Variants in CDH18 observed in about 807,000 individuals in gnomAD.
The protein encoded by CDH18 is cadherin 18.
Under a neutral mutation model 67.9 loss-of-function variants are expected in CDH18, and 31 were observed. The observed-to-expected ratio is 0.46, with a 90% CI of 0.34 to 0.62. The LOEUF (loss-of-function observed/expected upper bound fraction) is 0.62. CDH18 is among the 20% of genes least tolerant of loss of function. The pLI is 0.01. For missense variants in CDH18, 890 were observed against 975.5 expected (o/e 0.91, Z 1.17); for synonymous variants, 362 against 347.2 (o/e 1.04, Z -0.48).
At chr5:19,907,663 T>C (rs1024441517) in intron 2 of CDH18, among the ~76,000 whole-genome samples, 1 of 152,040 alleles carries the variant, frequency 6.6e-6, no homozygotes, top group Admixed American at 6.6e-5. Context: ...AAAATCATGA[T>C]GATAAATATA....
chr5:19,872,526 T>G (rs1035468167), intron 2 of CDH18, among the ~76,000 whole-genome samples: 1 of 152,194 alleles, frequency 6.6e-6, no homozygotes, highest in Non-Finnish European at 1.5e-5. Context: ...ACAAGCTTCC[T>G]ACTGGCCTTG....
At chr5:20,176,150 C>T (rs145772916) in intron 2 of CDH18, among the ~76,000 whole-genome samples, 5 of 152,250 alleles carry the variant, frequency 3.3e-5, no homozygotes, top group African/African-American at 4.8e-5. Context: ...CACTGCAAGA[C>T]GCAGTTTTAC....
intron 2 of CDH18, among the ~76,000 whole-genome samples, chr5:20,069,210 T>G (rs568517310): frequency 3.9e-5 from 6 of 152,082 alleles, no homozygotes; most frequent in Admixed American, 1.3e-4. Flanking sequence ...TGCCCCCACT[T>G]GCTCCCAACA....
At chr5:19,507,309 A>G (rs565439022) in intron 10 of CDH18, among the ~76,000 whole-genome samples, 1 of 152,280 alleles carries the variant, frequency 6.6e-6, no homozygotes, top group East Asian at 1.9e-4. Flanking sequence ...TGTTGATGGG[A>G]ATGTAAACTA....
intron 1 of CDH18, among the ~76,000 whole-genome samples, chr5:20,259,730 A>G (rs1253495597): frequency 1.3e-5 from 2 of 152,146 alleles, no homozygotes; most frequent in African/African-American, 4.8e-5. Flanking sequence ...CCATTTGTGG[A>G]TGTTCAGCTG....
chr5:19,956,708 T>C (rs1796289248), intron 2 of CDH18, among the ~76,000 whole-genome samples: 1 of 151,932 alleles, frequency 6.6e-6, no homozygotes, highest in Non-Finnish European at 1.5e-5. Flanking sequence ...GTATTGATAA[T>C]ACAGTATATA....
chr5:19,974,444 A>G (rs553373123), intron 2 of CDH18, among the ~76,000 whole-genome samples: 1 of 146,774 alleles, frequency 6.8e-6, no homozygotes, highest in Non-Finnish European at 1.5e-5. Context: ...GGCAGAATCC[A>G]GGAGGCAGAG....
intron 2 of CDH18, among the ~76,000 whole-genome samples, chr5:20,130,680 T>A (rs1749197432): frequency 1.3e-5 from 2 of 151,964 alleles, no homozygotes; most frequent in Admixed American, 6.6e-5. Context: ...GATAAGAGAT[T>A]CGTGAATAAT....
intron 2 of CDH18, among the ~76,000 whole-genome samples, chr5:19,851,328 T>C (rs1308907659): frequency 6.6e-6 from 1 of 151,066 alleles, no homozygotes; most frequent in African/African-American, 2.4e-5. Context: ...TTTATTATTA[T>C]GTTTCTATTA....
At chr5:20,082,899 T>A (rs1041663791) in intron 2 of CDH18, among the ~76,000 whole-genome samples, 3 of 152,168 alleles carry the variant, frequency 2.0e-5, no homozygotes, top group African/African-American at 7.2e-5. Context: ...CTCAGAGGAA[T>A]CAACCCTGCC....
At chr5:20,189,630 C>G (rs764263991) in intron 2 of CDH18, among the ~76,000 whole-genome samples, 1 of 152,040 alleles carries the variant, frequency 6.6e-6, no homozygotes, top group Non-Finnish European at 1.5e-5. Context: ...AGTTATTGAA[C>G]CAAGGTCAAA....
chr5:19,565,837 A>C (rs1307340156), intron 8 of CDH18, among the ~76,000 whole-genome samples: 2 of 152,228 alleles, frequency 1.3e-5, no homozygotes, highest in African/African-American at 2.4e-5. Flanking sequence ...ATATGCTGCA[A>C]GCACAGTCAA....
chr5:19,502,974 A>C lies in CDH18; in HGVS notation c.1630+18T>G. 7.6e-7 allele frequency: 1 copy of C among 1,322,444 alleles called. No homozygotes were observed. The highest frequency in any genetic ancestry group is 1.1e-6 in the Non-Finnish European group (1 of 914,170). The allele number at this position is 1,322,444 out of a possible 1,614,324, so 81.9% of individuals were successfully genotyped here. A position where few individuals can be genotyped will look rare whatever the true frequency, so the allele number is the denominator to read the frequency against. On this transcript the variant is annotated intron_variant, in intron 11 of 12. Coordinates refer to ENST00000382275, the MANE Select transcript of CDH18 (RefSeq NM_004934.5). ...GCAGATACCACATAGATAAACAAAT[A>C]TGTGTATATATGTTCACCTTCATTG... is the stretch of plus-strand genomic sequence containing the variant.
chr5:19,873,739 C>T (rs946859304), intron 2 of CDH18, among the ~76,000 whole-genome samples: 1 of 152,110 alleles, frequency 6.6e-6, no homozygotes, highest in South Asian at 2.1e-4. Context: ...CCTCTGCCCC[C>T]CAGGTTCAAG....
At chr5:20,315,164 A>G (rs1465483868) in intron 1 of CDH18, among the ~76,000 whole-genome samples, 3 of 152,082 alleles carry the variant, frequency 2.0e-5, no homozygotes, top group Non-Finnish European at 2.9e-5. Context: ...TAAAGACACT[A>G]CCATCTACCC....
chr5:19,578,334 T>C (rs1224183074), intron 7 of CDH18, among the ~76,000 whole-genome samples: 2 of 152,190 alleles, frequency 1.3e-5, no homozygotes, highest in African/African-American at 2.4e-5. Context: ...GTCTGATATA[T>C]TTAGGGAAAA....
intron 2 of CDH18, among the ~76,000 whole-genome samples, chr5:20,248,694 G>A (rs1470105757): frequency 6.6e-6 from 1 of 152,178 alleles, no homozygotes; most frequent in Non-Finnish European, 1.5e-5. Flanking sequence ...CATGCTGATT[G>A]TTGGATGGCA....
intron 2 of CDH18, among the ~76,000 whole-genome samples, chr5:19,859,799 T>C (rs987907616): frequency 6.6e-6 from 1 of 152,186 alleles, no homozygotes; most frequent in African/African-American, 2.4e-5. Flanking sequence ...AACCATGCTG[T>C]AGCCCAACCA....
intron 2 of CDH18, among the ~76,000 whole-genome samples, chr5:20,137,155 C>T (rs149020617): frequency 0.01 from 1,560 of 152,156 alleles, 14 homozygotes; most frequent in South Asian, 0.027. Flanking sequence ...GAAGTTCTCC[C>T]GGGTAATATC....
Sources: allele counts gnomAD v4.1 joint callset (sites outside exome capture counted in the v4.1 genomes callset), GRCh38; gene constraint gnomAD v4.1.1; transcripts MANE v1.5; gene names NCBI Gene and HGNC (gene_info 2026-07-23, HGNC 2026-07-21).